The following GLIS3 variants were observed in gnomAD, a reference collection of about 807,000 sequenced individuals.
The protein encoded by GLIS3 is zinc finger protein GLIS3.
GLIS3 carries 53 observed loss-of-function variants against 78.6 expected under a neutral mutation model. The observed-to-expected ratio is 0.67, with a 90% CI of 0.54 to 0.85. The LOEUF (loss-of-function observed/expected upper bound fraction) is 0.85, where lower values mean the gene tolerates loss of function less well. Among genes scored for constraint, GLIS3 ranks in the 40% least tolerant of loss-of-function variants. GLIS3 has a pLI of 0.00. For missense variants in GLIS3, 1,703 were observed against 1,231.1 expected (o/e 1.38, Z -5.74); for synonymous variants, 684 against 509.9 (o/e 1.34, Z -4.60).
the GLIS3 span, among the ~76,000 whole-genome samples, chr9:4,355,110 C>A: frequency 6.8e-6 from 1 of 147,658 alleles, no homozygotes; most frequent in African/African-American, 2.5e-5. Context: ...TTAGCCTGGG[C>A]GACAGAGCGA....
At chr9:4,123,475 G>C (rs1166472628) in intron 3 of GLIS3, among the ~76,000 whole-genome samples, 1 of 152,002 alleles carries the variant, frequency 6.6e-6, no homozygotes, top group Non-Finnish European at 1.5e-5. Flanking sequence ...ATCCAATAAA[G>C]CATTATTTAT....
intron 2 of GLIS3, among the ~76,000 whole-genome samples, chr9:4,208,099 C>A (rs542031758): frequency 6.6e-6 from 1 of 152,168 alleles, no homozygotes; most frequent in Non-Finnish European, 1.5e-5. Context: ...GCAGGCCTAA[C>A]CAGGCCTGCA....
At chr9:4,032,608 A>G (rs1487697676) in intron 4 of GLIS3, among the ~76,000 whole-genome samples, 1 of 152,214 alleles carries the variant, frequency 6.6e-6, no homozygotes, top group Non-Finnish European at 1.5e-5. Context: ...TCTAATGTGC[A>G]ACAAGGAAAA....
intron 9 of GLIS3, among the ~76,000 whole-genome samples, chr9:3,853,366 GTTCATTAT>G (rs1819554259): frequency 1.8e-5 from 1 of 54,340 alleles, no homozygotes; most frequent in Non-Finnish European, 5.9e-5. Flanking sequence ...GTATCCTCTT[GTTCATTAT>G]TCATTTGTTG....
At chr9:4,215,197 A>C (rs1820708966) in intron 2 of GLIS3, among the ~76,000 whole-genome samples, 1 of 152,160 alleles carries the variant, frequency 6.6e-6, no homozygotes, top group Admixed American at 6.6e-5. Flanking sequence ...ACAGGCAAAT[A>C]AATTTACATG....
intron 2 of GLIS3, among the ~76,000 whole-genome samples, chr9:4,173,832 G>C (rs929817643): frequency 9.2e-5 from 14 of 151,640 alleles, no homozygotes; most frequent in African/African-American, 3.2e-4. Flanking sequence ...GAAAATACTG[G>C]AAAATCTTTT....
intron 6 of GLIS3, among the ~76,000 whole-genome samples, chr9:3,926,491 A>T (rs1825263330): frequency 6.6e-6 from 1 of 152,058 alleles, no homozygotes; most frequent in Non-Finnish European, 1.5e-5. Flanking sequence ...CGGTCTCCCA[A>T]AGTGCTGGGA....
upstream of GLIS3, among the ~76,000 whole-genome samples, chr9:4,301,750 G>T (rs1817082864): frequency 6.6e-6 from 1 of 152,168 alleles, no homozygotes; most frequent in African/African-American, 2.4e-5. Flanking sequence ...CTTCCCAAAT[G>T]ATGGGAACAG....
the GLIS3 span, among the ~76,000 whole-genome samples, chr9:4,482,222 G>C: frequency 2.0e-5 from 3 of 152,194 alleles, no homozygotes; most frequent in African/African-American, 7.2e-5. Flanking sequence ...CAATTTGTCA[G>C]AGTGAGCAAT....
At chr9:3,918,772 C>T (rs1249630359) in intron 6 of GLIS3, among the ~76,000 whole-genome samples, 2 of 152,166 alleles carry the variant, frequency 1.3e-5, no homozygotes, top group Non-Finnish European at 2.9e-5. Flanking sequence ...AAAACAAAAA[C>T]TGTGGGGTTC....
At chr9:3,830,480 T>A (rs775075332) in intron 9 of GLIS3, among the ~76,000 whole-genome samples, 1 of 152,256 alleles carries the variant, frequency 6.6e-6, no homozygotes, top group Non-Finnish European at 1.5e-5. Flanking sequence ...AATGTGAATG[T>A]CATTGTGTAC....
At position 3,916,088 on chromosome 9, in the gene GLIS3, A is replaced by G. The variant is rs565910837; in HGVS notation, c.1983+16272T>C. ...AAGAGTAGAAACATTAAGGAATAAT[A>G]ATCAATCCTTCTGAGAATGCTGTTT... On this transcript the variant is annotated intron_variant, in intron 6 of 10. Coordinates refer to ENST00000381971, the MANE Select transcript of GLIS3 (RefSeq NM_001042413.2). Among the ~76,000 whole-genome samples, 7 of 152,352 alleles carry G rather than the reference A, an allele frequency of 4.6e-5. No individual in the cohort carries two copies. In the South Asian group the frequency reaches 6.2e-4, roughly 14 times the overall value.
intron 2 of GLIS3, among the ~76,000 whole-genome samples, chr9:4,237,967 T>A (rs909705861): frequency 1.3e-5 from 2 of 152,144 alleles, no homozygotes; most frequent in African/African-American, 4.8e-5. Flanking sequence ...CCCCTTATTC[T>A]CCCTTTGAGC....
intron 2 of GLIS3, among the ~76,000 whole-genome samples, chr9:4,171,798 A>T (rs1816396998): frequency 6.6e-6 from 1 of 152,226 alleles, no homozygotes; most frequent in South Asian, 2.1e-4. Context: ...TTGGAACTAC[A>T]GTACCATACG....
At chr9:3,964,537 G>A (rs1264395012) in intron 4 of GLIS3, among the ~76,000 whole-genome samples, 1 of 152,168 alleles carries the variant, frequency 6.6e-6, no homozygotes, top group Non-Finnish European at 1.5e-5. Flanking sequence ...AATTAAATCT[G>A]ATGTTCTGAA....
chr9:4,230,219 AGCCTTAAAG>A (rs1442881579), intron 2 of GLIS3, among the ~76,000 whole-genome samples: 3 of 152,266 alleles, frequency 2.0e-5, no homozygotes, highest in Admixed American at 2.0e-4. Context: ...AAGCGTCATC[AGCCTTAAAG>A]GCCCGATAAA....
chr9:3,864,273 G>A (rs540592871), intron 8 of GLIS3, among the ~76,000 whole-genome samples: 54 of 152,264 alleles, frequency 3.5e-4, no homozygotes, highest in Admixed American at 6.5e-4. Flanking sequence ...CAGACATAGC[G>A]TTCAATCTAC....
intron 4 of GLIS3, among the ~76,000 whole-genome samples, chr9:4,100,824 C>T (rs572472020): frequency 6.6e-6 from 1 of 152,242 alleles, no homozygotes; most frequent in Admixed American, 6.5e-5. Flanking sequence ...TTTAACTAAC[C>T]CTGGGGTAGA....
At chr9:4,084,723 C>T (rs542260173) in intron 4 of GLIS3, among the ~76,000 whole-genome samples, 7 of 152,264 alleles carry the variant, frequency 4.6e-5, no homozygotes, top group Admixed American at 1.3e-4. Flanking sequence ...AGTAAAGCTG[C>T]GCTTCAAGCT....
Sources: allele counts gnomAD v4.1 joint callset (sites outside exome capture counted in the v4.1 genomes callset), GRCh38; gene constraint gnomAD v4.1.1; transcripts MANE v1.5; gene names NCBI Gene and HGNC (gene_info 2026-07-23, HGNC 2026-07-21).